TERF1: variants seen among roughly 807,000 people sequenced by gnomAD.
TERF1 encodes telomeric repeat binding factor 1, also known as telomeric repeat-binding factor 1.
TERF1 carries 20 observed loss-of-function variants against 55.1 expected under a neutral mutation model. The observed-to-expected ratio is 0.36, with a 90% CI of 0.26 to 0.53. The LOEUF (loss-of-function observed/expected upper bound fraction) is 0.53. Ranked by LOEUF, TERF1 falls within the 20% of genes least tolerant of loss-of-function variation. The pLI is 0.91. For synonymous variants in TERF1, 168 were observed against 181.2 expected, an observed-to-expected ratio of 0.93 and a Z score of 0.59; for missense variants, 439 against 535.7, an observed-to-expected ratio of 0.82 and a Z score of 1.78.
intron 6 of TERF1, among the ~76,000 whole-genome samples, chr8:73,028,814 A>G (rs188483319): frequency 6.6e-5 from 10 of 152,236 alleles, no homozygotes; most frequent in Non-Finnish European, 1.0e-4. Flanking sequence ...CATAGCATAC[A>G]TCTCTATAAA....
Position 73,026,930 on chromosome 8 carries a change from G to GT in TERF1, c.775-4dup, listed in dbSNP as rs749368261. On this transcript the variant is annotated splice_polypyrimidine_tract_variant and intron_variant, in intron 5 of 9. Coordinates refer to ENST00000276603, the MANE Select transcript of TERF1 (RefSeq NM_017489.3). ...TTCCTATCCTTCTACCTCCACGCACGTTTTTTAAGGCAGCGGCAAAAGTAG... is the reference window on the plus strand; with the variant it reads ...TTCCTATCCTTCTACCTCCACGCACGTTTTTTTAAGGCAGCGGCAAAAGTAG... 3 of 1,607,860 alleles carry GT rather than the reference G, an allele frequency of 1.9e-6. No homozygotes were observed. Among genetic ancestry groups the GT allele is most frequent in the Non-Finnish European group, 2.5e-6 (3 of 1,177,438 alleles).
In TERF1 at chr8:73,046,398, A is replaced by G; in HGVS notation, c.*261A>G. On this transcript the variant is annotated 3_prime_UTR_variant, in exon 10 of 10. Coordinates refer to ENST00000276603, the MANE Select transcript of TERF1 (RefSeq NM_017489.3). ...TATCCCCACCCCCAAATCCTGTTCC[A>G]ATGAAAAAATTAAAACCTGATACGA... The G allele has an allele frequency of 4.0e-6, 1 of 252,396 alleles. No individual in the cohort carries two copies. Among genetic ancestry groups the G allele is most frequent in the Non-Finnish European group, 7.5e-6 (1 of 134,108 alleles). 15.6% of individuals were successfully genotyped at this position (252,396 alleles called of 1,614,324 possible).
intron 1 of TERF1, 117 bp downstream of exon 1, chr8:73,009,322 G>C (rs1249483072): frequency 9.1e-6 from 4 of 437,448 alleles, no homozygotes; most frequent in Admixed American, 9.8e-5. Flanking sequence ...CGGCCGATTA[G>C]CTGGGAGTCC....
chr8:73,037,176 TATAATATA>T (rs1298308329), intron 8 of TERF1, among the ~76,000 whole-genome samples: 5 of 78,320 alleles, frequency 6.4e-5, no homozygotes, highest in Non-Finnish European at 1.6e-4. Context: ...TATTATAATA[TATAATATA>T]ATAATATATA....
chr8:73,022,344 A>G, intron 4 of TERF1, 42 bp downstream of exon 4: 4 of 1,272,076 alleles, frequency 3.1e-6, no homozygotes, highest in Non-Finnish European at 4.4e-6. Context: ...AGAAGTGTTT[A>G]TGTAGAGTGA....
Position 73,013,051 on chromosome 8 carries a change from G to C in TERF1, c.320-844G>C, listed in dbSNP as rs56330143. ...AATCTCTGGTGTAGCATAAGATTAT[G>C]TTAGAATTGAGGGAGGAAATTGGGT... On this transcript the variant is annotated intron_variant, in intron 1 of 9. Coordinates refer to ENST00000276603, the MANE Select transcript of TERF1 (RefSeq NM_017489.3). 1,758 of 367,496 alleles carry C rather than the reference G, an allele frequency of 4.8e-3. 41 individuals are homozygous for C. Among genetic ancestry groups the C allele is most frequent in the African/African-American group, 0.034 (1,623 of 47,982 alleles). The allele number at this position is 367,496 out of a possible 1,614,324, so 22.8% of individuals were successfully genotyped here.
At chr8:73,017,248 A>G (rs1241231141) in intron 2 of TERF1, among the ~76,000 whole-genome samples, 3 of 152,212 alleles carry the variant, frequency 2.0e-5, no homozygotes, top group African/African-American at 7.2e-5. Flanking sequence ...CTTGAAAGAA[A>G]GCAAGCAGAT....
intron 2 of TERF1, among the ~76,000 whole-genome samples, chr8:73,014,827 G>C (rs955218990): frequency 2.6e-5 from 4 of 152,190 alleles, no homozygotes; most frequent in African/African-American, 9.7e-5. Flanking sequence ...TTTGGGGGGT[G>C]AGGGTAGGTC....
rs528727007 is a variant in TERF1 at position 73,020,858 on chromosome 8, A to T, written c.537+53A>T. ...TATATTTCTAGAAAATAACATTTAA[A>T]AGAAATTAAGAGGAACCTAGTAGAA... On this transcript the variant is annotated intron_variant, in intron 3 of 9. Transcript: ENST00000276603. 3.7e-6 allele frequency: 4 copies of T among 1,087,516 alleles called. No individual in the cohort carries two copies. The African/African-American group carries it at 4.8e-5, about 13-fold the overall frequency. The allele number at this position is 1,087,516 out of a possible 1,614,324, so 67.4% of individuals were successfully genotyped here. A position where few individuals can be genotyped will look rare whatever the true frequency, so the allele number is the denominator to read the frequency against.
At chr8:73,042,539 T>C (rs1484149071) in intron 9 of TERF1, among the ~76,000 whole-genome samples, 2 of 152,188 alleles carry the variant, frequency 1.3e-5, no homozygotes, top group Non-Finnish European at 2.9e-5. Context: ...GTTAAAGATA[T>C]TTCTTCCTTC....
chr8:73,017,007 G>T (rs1808539754), intron 2 of TERF1, among the ~76,000 whole-genome samples: 1 of 152,138 alleles, frequency 6.6e-6, no homozygotes, highest in South Asian at 2.1e-4. Flanking sequence ...TTAGCAATGT[G>T]ATTTTGGAGT....
intron 2 of TERF1, among the ~76,000 whole-genome samples, chr8:73,016,260 G>T (rs1808495963): frequency 6.6e-6 from 1 of 151,982 alleles, no homozygotes. Flanking sequence ...TAGTAGCTGT[G>T]CAGTAATCAT....
chr8:73,037,805 A>G (rs1447356200), intron 8 of TERF1, among the ~76,000 whole-genome samples: 2 of 97,228 alleles, frequency 2.1e-5, no homozygotes, highest in African/African-American at 9.6e-5. Context: ...GTATAATAAT[A>G]TATATATTAT....
chr8:73,033,492 C>T (rs911911526), intron 8 of TERF1, among the ~76,000 whole-genome samples: 4 of 152,242 alleles, frequency 2.6e-5, no homozygotes, highest in South Asian at 2.1e-4. Context: ...CACTTTGGGA[C>T]GCTGAGGCAG....
chr8:73,043,064 CT>C (rs1270165208), intron 9 of TERF1: 1 of 152,036 alleles, frequency 6.6e-6, no homozygotes, highest in East Asian at 1.9e-4. Flanking sequence ...TTGTACTGCC[CT>C]TATGTTTTCT....
At chr8:73,028,475 T>C (rs746496127) in intron 6 of TERF1, among the ~76,000 whole-genome samples, 9 of 152,108 alleles carry the variant, frequency 5.9e-5, no homozygotes, top group Admixed American at 6.6e-5. Flanking sequence ...AATAAATCTC[T>C]TTAGATCACT....
chr8:73,037,444 T>A (rs1009831673), intron 8 of TERF1, among the ~76,000 whole-genome samples: 1 of 124,624 alleles, frequency 8.0e-6, no homozygotes, highest in Non-Finnish European at 1.6e-5. Flanking sequence ...ATAATATATA[T>A]TATATATGTT....
rs767125396 is a variant in TERF1, at chr8:73,008,921, C to A, written c.35C>A (p.Pro12Gln). ...GATGTTTCCTCAGCGGCCCCGAGCC[C>A]GCGGGGCTGTGCGGATGGTAGGGAT... ...AEDVSSAAPSPRGCADGRDAD... is the reference protein window; with the variant it reads ...AEDVSSAAPSQRGCADGRDAD... Residue 12 changes from proline (P) to glutamine (Q), a missense_variant, in exon 1 of 10, where the codon CCG (proline) becomes CAG (glutamine). Pro to Gln is a moderately conservative substitution (Grantham distance 76). Transcript: ENST00000276603. The A allele has an allele frequency of 6.2e-7, 1 of 1,611,610 alleles. No homozygotes were observed. Among genetic ancestry groups the A allele is most frequent in the Admixed American group, 1.7e-5 (1 of 59,660 alleles).
At chr8:73,042,039 A>G (rs1255909909) in intron 9 of TERF1, among the ~76,000 whole-genome samples, 3 of 152,082 alleles carry the variant, frequency 2.0e-5, no homozygotes, top group Non-Finnish European at 2.9e-5. Context: ...GCCCTGTGAC[A>G]TTTGTTCTTT....
Sources: allele counts gnomAD v4.1 joint callset (sites outside exome capture counted in the v4.1 genomes callset), GRCh38; gene constraint gnomAD v4.1.1; transcripts MANE v1.5; gene names NCBI Gene and HGNC (gene_info 2026-07-23, HGNC 2026-07-21).